Variants in ZC3HAV1 observed in about 807,000 individuals in gnomAD.
ZC3HAV1 encodes zinc finger CCCH-type containing, antiviral 1.
ZC3HAV1 carries 41 observed loss-of-function variants against 86.6 expected under a neutral mutation model. The observed-to-expected ratio is 0.47, with a 90% CI of 0.37 to 0.61. ZC3HAV1 has a LOEUF of 0.61. Among genes scored for constraint, ZC3HAV1 ranks in the 20% least tolerant of loss-of-function variants. ZC3HAV1 has a pLI of 0.00. For synonymous variants in ZC3HAV1, 421 were observed against 432.1 expected, an observed-to-expected ratio of 0.97 and a Z score of 0.32; for missense variants, 964 against 1,141.1, an observed-to-expected ratio of 0.84 and a Z score of 2.24.
At chr7:139,097,428 A>ATATTTTTTTT in intron 1 of ZC3HAV1, among the ~76,000 whole-genome samples, 2 of 48,156 alleles carry the variant, frequency 4.2e-5, no homozygotes, top group African/African-American at 2.3e-4. Flanking sequence ...ATATATATAT[A>ATATTTTTTTT]TTTTTTTTTT....
intron 12 of ZC3HAV1, among the ~76,000 whole-genome samples, chr7:139,052,627 A>G (rs1281759209): frequency 1.4e-5 from 2 of 147,146 alleles, no homozygotes; most frequent in South Asian, 2.1e-4. Context: ...AAAAAAAAAA[A>G]AAGAGTTGCA....
chr7:139,079,569 A>G lies in ZC3HAV1; in HGVS notation c.1372T>C (p.Ser458Pro). The G allele has an allele frequency of 6.2e-7, 1 of 1,614,160 alleles. No homozygotes were observed. ...CCAGCATCCTGAATCCTAGGTGATG[A>G]TATTTCTCTGTGACCGCTGCTAGTG... ...KSTSSGHREI[S>P]SPRIQDAGPA... is the part of the protein sequence containing the mutation. Residue 458 changes from serine (S) to proline (P), a missense_variant, in exon 4 of 13, where the codon TCA (serine) becomes CCA (proline). Transcript: ENST00000242351.
At chr7:139,088,050 A>G (rs989982921) in intron 2 of ZC3HAV1, among the ~76,000 whole-genome samples, 23 of 150,206 alleles carry the variant, frequency 1.5e-4, no homozygotes, top group East Asian at 1.4e-3. Flanking sequence ...AAAAAAAAAA[A>G]AAAAAGAAAA....
At chr7:139,105,941 T>C (rs1817923644) in intron 1 of ZC3HAV1, among the ~76,000 whole-genome samples, 1 of 152,196 alleles carries the variant, frequency 6.6e-6, no homozygotes, top group South Asian at 2.1e-4. Flanking sequence ...CAGAGGTCCT[T>C]ATTACAACAC....
In ZC3HAV1 at chr7:139,043,998, C is replaced by T. The variant is rs940974068; in HGVS notation, c.*3596G>A. The T allele has an allele frequency of 3.3e-5, 5 of 152,146 alleles. No individual in the cohort carries two copies. The highest frequency in any genetic ancestry group is 7.4e-5 in the Non-Finnish European group (5 of 68,022). 9.4% of individuals were successfully genotyped at this position (152,146 alleles called of 1,614,324 possible). On this transcript the variant is annotated 3_prime_UTR_variant, in exon 13 of 13. Coordinates refer to ENST00000242351, the MANE Select transcript of ZC3HAV1 (RefSeq NM_020119.4). ...ACTCCCAGCACTGAGTGGATGCAGC[C>T]AGGGAGAACGATGTCCTGCAGTGTG...
intron 12 of ZC3HAV1, among the ~76,000 whole-genome samples, chr7:139,050,584 G>C (rs1368935761): frequency 6.6e-6 from 1 of 151,988 alleles, no homozygotes; most frequent in Non-Finnish European, 1.5e-5. Context: ...TGGTCAGGCT[G>C]GTCTCAAACT....
At position 139,047,035 on chromosome 7, in the gene ZC3HAV1, TACA is replaced by T. The variant is rs1815973503; in HGVS notation, c.*556_*558del. 1 of 154,122 alleles carries T rather than the reference TACA, an allele frequency of 6.5e-6. No homozygotes were observed. Among genetic ancestry groups the T allele is most frequent in the African/African-American group, 2.4e-5 (1 of 41,400 alleles). The allele number at this position is 154,122 out of a possible 1,614,324, so 9.5% of individuals were successfully genotyped here. A position where few individuals can be genotyped will look rare whatever the true frequency, so the allele number is the denominator to read the frequency against. Reference sequence around the variant, plus strand: ...GAATCATCAGAAGGGCTTTAAAAAATACAACTGCCAGCCGGGCATGGTGGCTCA... The same window carrying T: ...GAATCATCAGAAGGGCTTTAAAAAATACTGCCAGCCGGGCATGGTGGCTCA... On this transcript the variant is annotated 3_prime_UTR_variant, in exon 13 of 13. Transcript: ENST00000242351.
At chr7:139,068,737 T>A (rs1816678796) in intron 7 of ZC3HAV1, among the ~76,000 whole-genome samples, 1 of 152,204 alleles carries the variant, frequency 6.6e-6, no homozygotes, top group Admixed American at 6.5e-5. Flanking sequence ...ACTGCACTTG[T>A]CATGTTCATG....
intron 9 of ZC3HAV1, among the ~76,000 whole-genome samples, chr7:139,057,963 G>T (rs1816335181): frequency 6.6e-6 from 1 of 152,128 alleles, no homozygotes; most frequent in South Asian, 2.1e-4. Flanking sequence ...TTCCATTCTG[G>T]ATTTGTATAA....
chr7:139,092,947 C>T (rs1817476618), intron 1 of ZC3HAV1, among the ~76,000 whole-genome samples: 1 of 152,214 alleles, frequency 6.6e-6, no homozygotes, highest in Non-Finnish European at 1.5e-5. Flanking sequence ...GACTTCTCCC[C>T]AGCGGCTTCT....
In ZC3HAV1 at chr7:139,063,633, A is replaced by G. The variant is rs564147000; in HGVS notation, c.1993+1246T>C. ...CAGTTAGTTGGGAGGCTGAGGTGAC[A>G]GGATCGCTTGAGCCAGGGAGGTTGA... is the stretch of plus-strand genomic sequence containing the variant. On this transcript the variant is annotated intron_variant, in intron 8 of 12. Coordinates refer to ENST00000242351, the MANE Select transcript of ZC3HAV1 (RefSeq NM_020119.4). Among the ~76,000 whole-genome samples the G allele has an allele frequency of 2.0e-5, 3 of 150,884 alleles. No homozygotes were observed. The East Asian group carries it at 5.9e-4, about 30-fold the overall frequency.
At chr7:139,060,824 A>G in intron 9 of ZC3HAV1, 1 of 1,455,056 alleles carries the variant, frequency 6.9e-7, no homozygotes, top group South Asian at 1.3e-5. Flanking sequence ...TCCCTTTCAG[A>G]AAGAAAATTC....
intron 1 of ZC3HAV1, among the ~76,000 whole-genome samples, chr7:139,098,259 A>T (rs942011298): frequency 2.0e-5 from 3 of 152,218 alleles, no homozygotes; most frequent in African/African-American, 7.2e-5. Context: ...TTAAATGGGT[A>T]CATTTTATTG....
intron 7 of ZC3HAV1, among the ~76,000 whole-genome samples, chr7:139,070,391 G>A (rs774927145): frequency 6.6e-6 from 1 of 152,140 alleles, no homozygotes; most frequent in South Asian, 2.1e-4. Flanking sequence ...GAGGCCGGGC[G>A]CAGTGGCTCA....
intron 7 of ZC3HAV1, among the ~76,000 whole-genome samples, chr7:139,072,575 T>TTC (rs151024977): frequency 0.01 from 1,596 of 152,268 alleles, 27 homozygotes; most frequent in African/African-American, 0.036. Flanking sequence ...AAGGTCTGTT[T>TTC]TCTCTCTCTC....
intron 2 of ZC3HAV1, 140 bp downstream of exon 2, chr7:139,089,484 T>C (rs1817369671): frequency 1.8e-5 from 20 of 1,103,990 alleles, no homozygotes; most frequent in Non-Finnish European, 2.2e-5. Flanking sequence ...GATCTCTTAG[T>C]TCACTCAATA....
At chr7:139,062,758 A>G (rs1472345764) in intron 8 of ZC3HAV1, among the ~76,000 whole-genome samples, 1 of 152,194 alleles carries the variant, frequency 6.6e-6, no homozygotes, top group Non-Finnish European at 1.5e-5. Flanking sequence ...GGACGGGTGC[A>G]GTGGCTCACG....
chr7:139,057,190 T>C (rs943897774), intron 9 of ZC3HAV1, among the ~76,000 whole-genome samples: 4 of 151,932 alleles, frequency 2.6e-5, no homozygotes, highest in African/African-American at 9.7e-5. Flanking sequence ...TCCCCATCTC[T>C]AGAAACATTT....
At chr7:139,085,939 G>A (rs892108060) in intron 2 of ZC3HAV1, among the ~76,000 whole-genome samples, 6 of 151,804 alleles carry the variant, frequency 4.0e-5, no homozygotes, top group African/African-American at 7.3e-5. Context: ...GCTTGAACCC[G>A]AGACGGAGGT....
Sources: allele counts gnomAD v4.1 joint callset (sites outside exome capture counted in the v4.1 genomes callset), GRCh38; gene constraint gnomAD v4.1.1; transcripts MANE v1.5; gene names NCBI Gene and HGNC (gene_info 2026-07-23, HGNC 2026-07-21).